AK5: variants seen among roughly 807,000 people sequenced by gnomAD.
AK5 encodes adenylate kinase 5, also known as adenylate kinase isoenzyme 5.
In AK5, 27 loss-of-function variants were observed where a neutral mutation model predicts 69.5. The observed-to-expected ratio is 0.39, with a 90% CI of 0.29 to 0.54. The LOEUF (loss-of-function observed/expected upper bound fraction) is 0.54, where lower values mean the gene tolerates loss of function less well. AK5 is among the 20% of genes least tolerant of loss of function. The pLI is 0.71. For synonymous variants in AK5, 260 were observed against 244.4 expected (o/e 1.06, Z -0.60); for missense variants, 531 against 700.4 (o/e 0.76, Z 2.73).
chr1:77,472,556 A>T (rs553369130), intron 8 of AK5, among the ~76,000 whole-genome samples: 1 of 151,444 alleles, frequency 6.6e-6, no homozygotes, highest in South Asian at 2.1e-4. Flanking sequence ...GCATCCAAAA[A>T]GAGAGGTGGG....
rs552490775 is a variant in AK5 at position 77,431,034 on chromosome 1, C to T, written c.1059+13319C>T. ...GACTGGCATGAGACCAAAAGAGTCT[C>T]GTGTGGGTTAAGACAGAAGGAACAT... On this transcript the variant is annotated intron_variant, in intron 8 of 13. Transcript: ENST00000354567. 7.9e-5 allele frequency among the ~76,000 whole-genome samples: 12 copies of T among 152,140 alleles called. No homozygotes were observed. In the East Asian group the frequency reaches 9.7e-4, roughly 12 times the overall value.
intron 6 of AK5, among the ~76,000 whole-genome samples, chr1:77,376,877 G>A (rs540912010): frequency 6.6e-6 from 1 of 152,262 alleles, no homozygotes; most frequent in South Asian, 2.1e-4. Context: ...AGCCAAGATG[G>A]TGCCACTGCA....
chr1:77,543,926 TACACACAC>T (rs142574877), intron 13 of AK5, among the ~76,000 whole-genome samples: 1 of 147,882 alleles, frequency 6.8e-6, no homozygotes, highest in Non-Finnish European at 1.5e-5. Context: ...TATGTGAGAG[TACACACAC>T]ACACACACAC....
intron 8 of AK5, among the ~76,000 whole-genome samples, chr1:77,427,899 G>T (rs1392783416): frequency 6.6e-6 from 1 of 152,210 alleles, no homozygotes; most frequent in African/African-American, 2.4e-5. Context: ...TATAGATTAA[G>T]AAGGAATAAA....
intron 8 of AK5, among the ~76,000 whole-genome samples, chr1:77,471,893 T>A (rs984237206): frequency 2.0e-5 from 3 of 152,206 alleles, no homozygotes; most frequent in African/African-American, 7.2e-5. Flanking sequence ...AGCGGCCAGA[T>A]TCTTAAGAGA....
At chr1:77,460,775 G>A (rs1053108003) in intron 8 of AK5, among the ~76,000 whole-genome samples, 1 of 151,858 alleles carries the variant, frequency 6.6e-6, no homozygotes, top group African/African-American at 2.4e-5. Flanking sequence ...TCAGGCTGGA[G>A]TGCAGTGATG....
At chr1:77,501,250 TG>T (rs2100260599) in intron 10 of AK5, among the ~76,000 whole-genome samples, 1 of 152,328 alleles carries the variant, frequency 6.6e-6, no homozygotes, top group East Asian at 1.9e-4. Flanking sequence ...GATGCATGAA[TG>T]TGATGTTGAC....
At chr1:77,350,915 C>T (rs1289828835) in intron 6 of AK5, among the ~76,000 whole-genome samples, 1 of 152,164 alleles carries the variant, frequency 6.6e-6, no homozygotes, top group East Asian at 1.9e-4. Context: ...TTTCTTTCCA[C>T]TAATAACTGT....
chr1:77,418,358 T>C (rs556908432), intron 8 of AK5, among the ~76,000 whole-genome samples: 1 of 152,278 alleles, frequency 6.6e-6, no homozygotes, highest in African/African-American at 2.4e-5. Flanking sequence ...CCCCTGTGAT[T>C]CAGTCATCTC....
At position 77,391,487 on chromosome 1, in the gene AK5, GTGTGTGTGTATATATATATATATA is replaced by G. The variant is rs1276380312; in HGVS notation, c.892-19492_892-19469del. Among the ~76,000 whole-genome samples the G allele has an allele frequency of 5.7e-4, 51 of 89,488 alleles. 1 individual carries two copies. The Middle Eastern group carries it at 0.022, about 39-fold the overall frequency. The allele number at this position is 89,488 out of a possible 152,430, so 58.7% of individuals were successfully genotyped here. ...TATACACATATGTGTGTGTGTATGT[GTGTGTGTGTATATATATATATATA>G]TATATATATATATATATCTCCTCAG... On this transcript the variant is annotated intron_variant, in intron 6 of 13. Transcript: ENST00000354567.
At chr1:77,344,206 G>C (rs998103739) in intron 6 of AK5, among the ~76,000 whole-genome samples, 2 of 152,132 alleles carry the variant, frequency 1.3e-5, no homozygotes, top group African/African-American at 4.8e-5. Flanking sequence ...CTTGAATACT[G>C]TATCTTACTG....
chr1:77,312,113 C>T (rs1042466946), intron 5 of AK5, among the ~76,000 whole-genome samples: 2 of 152,120 alleles, frequency 1.3e-5, no homozygotes, highest in East Asian at 1.9e-4. Context: ...TTAGGAAGTA[C>T]GTGCCAAGTG....
At chr1:77,292,999 C>T (rs1011795770) in intron 2 of AK5, among the ~76,000 whole-genome samples, 2 of 152,138 alleles carry the variant, frequency 1.3e-5, no homozygotes, top group African/African-American at 2.4e-5. Flanking sequence ...AACACACTAA[C>T]GTATTGGCAT....
intron 8 of AK5, 26 bp downstream of exon 8, chr1:77,417,741 C>G (rs762000819): frequency 1.4e-6 from 2 of 1,406,880 alleles, no homozygotes; most frequent in South Asian, 1.2e-5. Context: ...AAATAGTTCT[C>G]TATTTAAATG....
chr1:77,442,613 C>T (rs113015601), intron 8 of AK5, among the ~76,000 whole-genome samples: 2 of 152,196 alleles, frequency 1.3e-5, no homozygotes, highest in African/African-American at 2.4e-5. Context: ...CTGTGCTCCC[C>T]GGAGTTTCTG....
chr1:77,494,052 G>T (rs1315537889), intron 10 of AK5, among the ~76,000 whole-genome samples: 2 of 152,188 alleles, frequency 1.3e-5, no homozygotes, highest in Non-Finnish European at 2.9e-5. Flanking sequence ...AACACTGCAT[G>T]ACATGGCAGG....
intron 9 of AK5, among the ~76,000 whole-genome samples, chr1:77,485,726 T>C (rs1235413055): frequency 1.3e-5 from 2 of 152,234 alleles, no homozygotes; most frequent in East Asian, 3.8e-4. Flanking sequence ...TAAAAATAGC[T>C]TTCTTTGTGA....
Position 77,558,723 on chromosome 1 carries a change from AT to A in AK5, c.*55del. 8.0e-7 allele frequency: 1 copy of A among 1,248,052 alleles called. No homozygotes were observed. The highest frequency in any genetic ancestry group is 1.2e-6 in the Non-Finnish European group (1 of 850,092). The allele number at this position is 1,248,052 out of a possible 1,614,324, so 77.3% of individuals were successfully genotyped here. ...GAAACAGAAAAACATTAAAAAGTTC[AT>A]TCCTTAACACAATGTTTCAAGTTAA... is the stretch of plus-strand genomic sequence containing the variant. On this transcript the variant is annotated 3_prime_UTR_variant, in exon 14 of 14. Coordinates refer to ENST00000354567, the MANE Select transcript of AK5 (RefSeq NM_174858.3).
intron 5 of AK5, among the ~76,000 whole-genome samples, chr1:77,328,350 A>C (rs7529083): frequency 0.1 from 15,189 of 152,060 alleles, 956 homozygotes; most frequent in East Asian, 0.2. Context: ...AATACAAAAA[A>C]TTAGCCGGGC....
Sources: allele counts gnomAD v4.1 joint callset (sites outside exome capture counted in the v4.1 genomes callset), GRCh38; gene constraint gnomAD v4.1.1; transcripts MANE v1.5; gene names NCBI Gene and HGNC (gene_info 2026-07-23, HGNC 2026-07-21).